DPP10: variants seen among roughly 807,000 people sequenced by gnomAD.
The protein encoded by DPP10 is dipeptidyl peptidase like 10, also known as inactive dipeptidyl peptidase 10.
DPP10 carries 33 observed loss-of-function variants against 120.9 expected under a neutral mutation model. The observed-to-expected ratio is 0.27, with a 90% CI of 0.21 to 0.37. The LOEUF (loss-of-function observed/expected upper bound fraction) is 0.37. Among genes scored for constraint, DPP10 ranks in the 10% least tolerant of loss-of-function variants. The pLI, the probability that DPP10 is intolerant of heterozygous loss-of-function variation, is 1.00. For missense variants in DPP10, 816 were observed against 942.8 expected, an observed-to-expected ratio of 0.87 and a Z score of 1.76; for synonymous variants, 337 against 326.1, an observed-to-expected ratio of 1.03 and a Z score of -0.36.
chr2:115,782,489 ATTC>A, intron 17 of DPP10, 90 bp downstream of exon 17: 3 of 1,260,564 alleles, frequency 2.4e-6, no homozygotes, highest in Non-Finnish European at 3.4e-6. Flanking sequence ...TCCTCTATAA[ATTC>A]TTCTTCAAAA....
At chr2:115,337,143 C>CAAA (rs11308584) in intron 2 of DPP10, among the ~76,000 whole-genome samples, 1 of 125,482 alleles carries the variant, frequency 8.0e-6, no homozygotes, top group Non-Finnish European at 1.8e-5. Context: ...TTGAAGAAAG[C>CAAA]AAAAAAAAAA....
chr2:115,777,152 A>T, intron 13 of DPP10, 56 bp from the exon 14 acceptor site: 1 of 1,505,642 alleles, frequency 6.6e-7, no homozygotes, highest in Non-Finnish European at 9.2e-7. Flanking sequence ...ATTCGTGTTT[A>T]CCAGAGAGAT....
In DPP10 at chr2:114,779,680, T is replaced by A. The variant is rs540513681; in HGVS notation, c.60+336842T>A. On this transcript the variant is annotated intron_variant, in intron 1 of 25. Coordinates refer to ENST00000410059, the MANE Select transcript of DPP10 (RefSeq NM_020868.6). ...GACCTGTGATAACCCTCCTTTATAA[T>A]ATTCTGGTGTTAAGGATGCCCAACC... is the stretch of plus-strand genomic sequence containing the variant. 8.5e-5 allele frequency among the ~76,000 whole-genome samples: 13 copies of A among 152,296 alleles called. No individual in the cohort carries two copies. In the East Asian group the frequency reaches 2.3e-3, roughly 27 times the overall value.
chr2:114,931,654 T>C (rs1189441052), intron 1 of DPP10, among the ~76,000 whole-genome samples: 1 of 152,182 alleles, frequency 6.6e-6, no homozygotes, highest in Non-Finnish European at 1.5e-5. Flanking sequence ...AAAGAGTGTG[T>C]ATGATTGGAG....
intron 1 of DPP10, among the ~76,000 whole-genome samples, chr2:114,503,724 A>G (rs1433294377): frequency 6.6e-6 from 1 of 152,166 alleles, no homozygotes; most frequent in East Asian, 1.9e-4. Flanking sequence ...TCTGGTTGGG[A>G]CAATCTCAAA....
chr2:114,622,749 A>G (rs1694197070), intron 1 of DPP10, among the ~76,000 whole-genome samples: 1 of 152,132 alleles, frequency 6.6e-6, no homozygotes, highest in Non-Finnish European at 1.5e-5. Flanking sequence ...CATGGTTTTT[A>G]GTTGCCACCT....
intron 1 of DPP10, among the ~76,000 whole-genome samples, chr2:115,285,319 G>A (rs1559365008): frequency 6.6e-6 from 1 of 151,928 alleles, no homozygotes; most frequent in Non-Finnish European, 1.5e-5. Flanking sequence ...AAGATGCATT[G>A]CCTGTAATAT....
intron 2 of DPP10, among the ~76,000 whole-genome samples, chr2:115,316,655 A>T (rs550733313): frequency 2.4e-4 from 37 of 152,326 alleles, no homozygotes; most frequent in African/African-American, 8.2e-4. Context: ...TTCCATCCTA[A>T]ACCACATTAT....
intron 21 of DPP10, among the ~76,000 whole-genome samples, chr2:115,826,661 C>G (rs1218281935): frequency 6.6e-6 from 1 of 152,184 alleles, no homozygotes; most frequent in African/African-American, 2.4e-5. Context: ...GCAGAGGTTA[C>G]AGTGAACAAA....
At chr2:114,915,481 A>G (rs1038574513) in intron 1 of DPP10, among the ~76,000 whole-genome samples, 1 of 152,216 alleles carries the variant, frequency 6.6e-6, no homozygotes, top group African/African-American at 2.4e-5. Flanking sequence ...TCAATGCAAC[A>G]CTTCACAACA....
intron 1 of DPP10, among the ~76,000 whole-genome samples, chr2:115,060,465 T>C (rs1374860424): frequency 6.6e-6 from 1 of 152,050 alleles, no homozygotes; most frequent in Non-Finnish European, 1.5e-5. Flanking sequence ...TGGTGGCATA[T>C]GCCTGTAGTC....
intron 1 of DPP10, among the ~76,000 whole-genome samples, chr2:114,690,200 G>C (rs1415410059): frequency 6.6e-6 from 1 of 151,950 alleles, no homozygotes; most frequent in Non-Finnish European, 1.5e-5. Context: ...TTCTTCTAGG[G>C]TTTTTATAGT....
intron 1 of DPP10, among the ~76,000 whole-genome samples, chr2:114,802,642 G>A (rs1684356649): frequency 6.6e-6 from 1 of 152,034 alleles, no homozygotes; most frequent in Non-Finnish European, 1.5e-5. Context: ...AGCTCTCAAG[G>A]GAAATAAATG....
At chr2:114,716,616 C>T (rs886138252) in intron 1 of DPP10, among the ~76,000 whole-genome samples, 2 of 152,172 alleles carry the variant, frequency 1.3e-5, no homozygotes, top group South Asian at 2.1e-4. Flanking sequence ...TAAGCAACAT[C>T]TTGCTGTATA....
intron 1 of DPP10, among the ~76,000 whole-genome samples, chr2:115,295,871 G>A (rs1442590957): frequency 1.3e-5 from 2 of 151,864 alleles, no homozygotes; most frequent in Admixed American, 6.6e-5. Flanking sequence ...CTATTTTCAA[G>A]GCAGAATAAA....
intron 4 of DPP10, among the ~76,000 whole-genome samples, chr2:115,507,653 T>C (rs928383390): frequency 1.3e-5 from 2 of 152,054 alleles, no homozygotes; most frequent in African/African-American, 2.4e-5. Context: ...ATGAGATAAC[T>C]AGGGGAAAGA....
intron 1 of DPP10, among the ~76,000 whole-genome samples, chr2:114,589,933 T>C (rs981994748): frequency 4.6e-5 from 7 of 152,042 alleles, no homozygotes; most frequent in African/African-American, 1.7e-4. Context: ...GTATATCTAC[T>C]GGGGATAAAA....
At chr2:115,476,700 A>G (rs142097480) in intron 3 of DPP10, among the ~76,000 whole-genome samples, 4 of 152,284 alleles carry the variant, frequency 2.6e-5, no homozygotes, top group Non-Finnish European at 5.9e-5. Flanking sequence ...ACATTGGGGA[A>G]TGACATTCAG....
chr2:114,613,345 A>T (rs539737912), intron 1 of DPP10, among the ~76,000 whole-genome samples: 1 of 152,292 alleles, frequency 6.6e-6, no homozygotes, highest in East Asian at 1.9e-4. Context: ...GAAGAAACTG[A>T]GGATGAAAAA....
Sources: allele counts gnomAD v4.1 joint callset (sites outside exome capture counted in the v4.1 genomes callset), GRCh38; gene constraint gnomAD v4.1.1; transcripts MANE v1.5; gene names NCBI Gene and HGNC (gene_info 2026-07-23, HGNC 2026-07-21).